CDC42BPB: variants seen among roughly 807,000 people sequenced by gnomAD.
CDC42BPB encodes CDC42 binding protein kinase beta.
Under a neutral mutation model 214.9 loss-of-function variants are expected in CDC42BPB, and 37 were observed. The observed-to-expected ratio is 0.17, with a 90% confidence interval of 0.13 to 0.23. The LOEUF (loss-of-function observed/expected upper bound fraction) is 0.23, where lower values mean the gene tolerates loss of function less well. CDC42BPB is among the 10% of genes least tolerant of loss of function. The pLI is 1.00. For missense variants in CDC42BPB, 1,694 were observed against 2,227.0 expected (o/e 0.76, Z 4.82); for synonymous variants, 931 against 884.0 (o/e 1.05, Z -0.94).
intron 12 of CDC42BPB, 138 bp downstream of exon 12, chr14:102,973,878 G>A (rs1027123799): frequency 1.8e-6 from 2 of 1,107,272 alleles, no homozygotes; most frequent in African/African-American, 3.2e-5. Flanking sequence ...GGCCAGGCTT[G>A]GCCCTGGCGT....
intron 1 of CDC42BPB, among the ~76,000 whole-genome samples, chr14:103,038,825 T>C (rs567448516): frequency 6.6e-6 from 1 of 151,858 alleles, no homozygotes; most frequent in East Asian, 1.9e-4. Flanking sequence ...AGGCTACAAT[T>C]ACCTTTTATT....
chr14:103,034,365 C>T (rs1478463564), intron 1 of CDC42BPB, among the ~76,000 whole-genome samples: 3 of 152,076 alleles, frequency 2.0e-5, no homozygotes, highest in South Asian at 2.1e-4. Context: ...TAAAAATACA[C>T]ATTTAAAAAA....
intron 1 of CDC42BPB, 160 bp from the exon 2 acceptor site, chr14:103,012,348 G>T: frequency 1.0e-6 from 1 of 956,086 alleles, no homozygotes; most frequent in Non-Finnish European, 1.2e-6. Context: ...TTATACCAAT[G>T]GACACAGATG....
At chr14:103,030,812 C>T (rs561814538) in intron 1 of CDC42BPB, among the ~76,000 whole-genome samples, 20 of 152,240 alleles carry the variant, frequency 1.3e-4, no homozygotes, top group Non-Finnish European at 2.5e-4. Flanking sequence ...GGCGAAAGCC[C>T]GTCTCTACAA....
At chr14:102,935,333 GA>G (rs200185125) in intron 36 of CDC42BPB, among the ~76,000 whole-genome samples, 18 of 147,702 alleles carry the variant, frequency 1.2e-4, no homozygotes, top group East Asian at 7.9e-4. Context: ...AAAGGAAACT[GA>G]AAAAAAAAAT....
intron 21 of CDC42BPB, among the ~76,000 whole-genome samples, chr14:102,959,296 CAAAA>C (rs10710013): frequency 1.5e-5 from 2 of 130,584 alleles, no homozygotes. Context: ...GACTCCGTCT[CAAAA>C]AAAAAAAAAA....
chr14:103,035,757 A>G (rs1290340544), intron 1 of CDC42BPB, among the ~76,000 whole-genome samples: 2 of 151,856 alleles, frequency 1.3e-5, no homozygotes, highest in African/African-American at 2.4e-5. Flanking sequence ...GGAGAATGGC[A>G]TGAACCCGGG....
At chr14:103,026,340 G>A (rs1337743246) in intron 1 of CDC42BPB, among the ~76,000 whole-genome samples, 2 of 152,014 alleles carry the variant, frequency 1.3e-5, no homozygotes, top group African/African-American at 2.4e-5. Flanking sequence ...GCAGTGAGCC[G>A]AGATCACGCC....
Position 102,962,951 on chromosome 14 carries a change from G to C in CDC42BPB, c.2821+110C>G, listed in dbSNP as rs538179284. 84 of 559,208 alleles carry C rather than the reference G, an allele frequency of 1.5e-4. No individual in the cohort carries two copies. In the South Asian group the frequency reaches 1.7e-3, roughly 11 times the overall value. The allele number at this position is 559,208 out of a possible 1,614,324, so 34.6% of individuals were successfully genotyped here. On this transcript the variant is annotated intron_variant, in intron 20 of 36. Transcript: ENST00000361246. ...CTGATTTTGGAAAATACTGAATTTGGAATTCTGTAGGTGCTTCTAAAGTAA... is the reference window on the plus strand; with the variant it reads ...CTGATTTTGGAAAATACTGAATTTGCAATTCTGTAGGTGCTTCTAAAGTAA...
In CDC42BPB at chr14:103,023,656, T is replaced by G. The variant is rs75252934; in HGVS notation, c.176-11468A>C. ...ATTAATAATTTTACTCACTGGTTTTTCTTAATTTTTTCCTTTTTTTAACTG... is the reference window on the plus strand; with the variant it reads ...ATTAATAATTTTACTCACTGGTTTTGCTTAATTTTTTCCTTTTTTTAACTG... On this transcript the variant is annotated intron_variant, in intron 1 of 36. Transcript: ENST00000361246. Among the ~76,000 whole-genome samples the G allele has an allele frequency of 2.0e-5, 3 of 152,316 alleles. No individual in the cohort carries two copies. The East Asian group carries it at 5.8e-4, about 29-fold the overall frequency.
rs529852366 is a variant in CDC42BPB at position 102,943,743 on chromosome 14, T to A, written c.4408+148A>T. The stretch of plus-strand genomic sequence containing the variant: ...GTGAGATCTGAACCATGCTCTCTGC[T>A]GCGGGCTGGCATGGGGCCCACCTCT... On this transcript the variant is annotated intron_variant, in intron 30 of 36. Coordinates refer to ENST00000361246, the MANE Select transcript of CDC42BPB (RefSeq NM_006035.4). The surrounding 1 kb of genome is among the most constrained non-coding windows in gnomAD (Gnocchi z 4.6). 2 of 663,594 alleles carry A rather than the reference T, an allele frequency of 3.0e-6. No homozygotes were observed. Among genetic ancestry groups the A allele is most frequent in the East Asian group, 5.4e-5 (2 of 37,010 alleles). The allele number at this position is 663,594 out of a possible 1,614,324, so 41.1% of individuals were successfully genotyped here.
intron 13 of CDC42BPB, chr14:102,970,524 A>T (rs1033277123): frequency 3.7e-5 from 10 of 267,806 alleles, no homozygotes; most frequent in Non-Finnish European, 5.7e-5. Flanking sequence ...CTTGAAATTT[A>T]AATTTCACTG....
intron 4 of CDC42BPB, among the ~76,000 whole-genome samples, chr14:103,002,125 C>G (rs1006075056): frequency 6.6e-6 from 1 of 152,200 alleles, no homozygotes; most frequent in Non-Finnish European, 1.5e-5. Context: ...GAGGAACCCA[C>G]GTTTCCATAT....
At chr14:103,032,881 T>A (rs1364833802) in intron 1 of CDC42BPB, among the ~76,000 whole-genome samples, 2 of 148,988 alleles carry the variant, frequency 1.3e-5, no homozygotes, top group Non-Finnish European at 3.0e-5. Flanking sequence ...CCTCCCAAAG[T>A]GCTAGGATTA....
chr14:102,949,563 C>T (rs1252034623), intron 26 of CDC42BPB, among the ~76,000 whole-genome samples: 1 of 152,148 alleles, frequency 6.6e-6, no homozygotes, highest in Non-Finnish European at 1.5e-5. Context: ...TTCCTGCGCA[C>T]GCAGGCCCGT....
chr14:102,954,806 G>A, intron 21 of CDC42BPB, 118 bp from the exon 22 acceptor site: 1 of 1,467,048 alleles, frequency 6.8e-7, no homozygotes, highest in Non-Finnish European at 9.1e-7. Flanking sequence ...AGTCCCAGCG[G>A]TTCTTACTCC....
intron 4 of CDC42BPB, among the ~76,000 whole-genome samples, chr14:103,002,736 C>G (rs1895045725): frequency 6.6e-6 from 1 of 152,152 alleles, no homozygotes; most frequent in African/African-American, 2.4e-5. Flanking sequence ...GACTTCGCCT[C>G]CCTCTGCCCC....
chr14:102,963,553 G>A (rs541316747), intron 19 of CDC42BPB, among the ~76,000 whole-genome samples: 14 of 152,308 alleles, frequency 9.2e-5, no homozygotes, highest in African/African-American at 3.1e-4. Context: ...CCACCCGCAC[G>A]GGTAGCCTTG....
chr14:102,971,879 T>C (rs1191068985), intron 13 of CDC42BPB, 40 bp downstream of exon 13: 8 of 1,581,774 alleles, frequency 5.1e-6, no homozygotes, highest in Non-Finnish European at 6.9e-6. Context: ...GTCACACAAA[T>C]GTCCAGTCGA....
Sources: gnomAD v4.1 joint callset for allele counts (sites outside exome capture counted in the v4.1 genomes callset) on GRCh38, gnomAD v4.1.1 for gene constraint, Gnocchi (gnomAD v3.1) non-coding constraint, MANE v1.5 for transcripts, NCBI Gene and HGNC (gene_info 2026-07-23, HGNC 2026-07-21) for gene names.